Variants in C1orf21 observed in about 807,000 individuals in gnomAD.
C1orf21 encodes the protein uncharacterized protein C1orf21.
In C1orf21, 3 loss-of-function variants were observed where a neutral mutation model predicts 18.7. The ratio of observed to expected loss-of-function variants is 0.16; its 90% CI spans 0.07 to 0.42. The LOEUF (loss-of-function observed/expected upper bound fraction) is 0.42. C1orf21 is among the 10% of genes least tolerant of loss of function. C1orf21 has a pLI of 0.99. For missense variants in C1orf21, 104 were observed against 143.6 expected (o/e 0.72, Z 1.41); for synonymous variants, 41 against 46.4 (o/e 0.88, Z 0.47).
intron 3 of C1orf21, among the ~76,000 whole-genome samples, chr1:184,569,013 T>A (rs767559759): frequency 2.6e-5 from 4 of 152,214 alleles, no homozygotes; most frequent in African/African-American, 9.6e-5. Context: ...TTTTATTAAG[T>A]TGAAGCATTT....
intron 1 of C1orf21, among the ~76,000 whole-genome samples, chr1:184,447,076 C>T (rs1172623651): frequency 2.0e-5 from 3 of 152,126 alleles, no homozygotes. Flanking sequence ...ACTTCACAAA[C>T]ATTTCTAGAT....
rs148616078 is a variant in C1orf21 at position 184,565,667 on chromosome 1, C to T, written c.190-25072C>T. Among the ~76,000 whole-genome samples the T allele has an allele frequency of 4.6e-5, 7 of 152,374 alleles. No homozygotes were observed. In the East Asian group the frequency reaches 1.2e-3, roughly 25 times the overall value. The stretch of plus-strand genomic sequence containing the variant: ...TATAAACAAGCCAAGTACCATATTT[C>T]TCTCACGAAGTCAGTTTCCTCTGAA... On this transcript the variant is annotated intron_variant, in intron 3 of 5. Transcript: ENST00000235307.
intron 1 of C1orf21, among the ~76,000 whole-genome samples, chr1:184,444,671 C>T (rs1489119606): frequency 6.6e-6 from 1 of 152,038 alleles, no homozygotes; most frequent in Non-Finnish European, 1.5e-5. Flanking sequence ...GGACCTACTT[C>T]CTTTATATAA....
At position 184,504,336 on chromosome 1, in the gene C1orf21, C is replaced by T. The variant is rs554995452; in HGVS notation, c.95-3252C>T. Reference sequence around the variant, plus strand: ...CTCCCTTCTCTTCCTCGAGTTGGCACGTTTTTCTGCGCCAGGACCCTCTGG... The same window carrying T: ...CTCCCTTCTCTTCCTCGAGTTGGCATGTTTTTCTGCGCCAGGACCCTCTGG... On this transcript the variant is annotated intron_variant, in intron 2 of 5. Coordinates refer to ENST00000235307, the MANE Select transcript of C1orf21 (RefSeq NM_030806.4). Among the ~76,000 whole-genome samples, 11 of 109,540 alleles carry T rather than the reference C, an allele frequency of 1.0e-4. No individual in the cohort carries two copies. The East Asian group carries it at 2.4e-3, about 24-fold the overall frequency. The allele number at this position is 109,540 out of a possible 152,430, so 71.9% of individuals were successfully genotyped here. A position where few individuals can be genotyped will look rare whatever the true frequency, so the allele number is the denominator to read the frequency against.
chr1:184,541,784 G>A (rs1164965848), intron 3 of C1orf21, among the ~76,000 whole-genome samples: 2 of 152,144 alleles, frequency 1.3e-5, no homozygotes, highest in Non-Finnish European at 2.9e-5. Flanking sequence ...GTGTGCCAAC[G>A]AATGTGTTTT....
At chr1:184,529,099 C>T (rs1052489648) in intron 3 of C1orf21, among the ~76,000 whole-genome samples, 2 of 151,874 alleles carry the variant, frequency 1.3e-5, no homozygotes, top group African/African-American at 4.8e-5. Flanking sequence ...TAATTCTTGC[C>T]GATTTACTTA....
chr1:184,476,384 A>T (rs1422542888), intron 1 of C1orf21, among the ~76,000 whole-genome samples: 2 of 152,120 alleles, frequency 1.3e-5, no homozygotes, highest in Non-Finnish European at 2.9e-5. Context: ...AGTGGGAGGG[A>T]TGGAAACAAA....
chr1:184,395,103 A>G (rs998160290), intron 1 of C1orf21, among the ~76,000 whole-genome samples: 5 of 152,174 alleles, frequency 3.3e-5, no homozygotes, highest in African/African-American at 1.2e-4. Context: ...TTCTGCTATA[A>G]GAGTGGTTTC....
At position 184,471,887 on chromosome 1, in the gene C1orf21, GT is replaced by G. The variant is rs1484264085; in HGVS notation, c.-124-5497del. 4.6e-5 allele frequency among the ~76,000 whole-genome samples: 7 copies of G among 152,128 alleles called. No homozygotes were observed. The East Asian group carries it at 1.3e-3, about 29-fold the overall frequency. ...AATGTGTTCTGTGATGCCAGCGATT[GT>G]TGGGTAATGAAAGGCTTGACTTTTC... On this transcript the variant is annotated intron_variant, in intron 1 of 5. Transcript: ENST00000235307.
intron 1 of C1orf21, among the ~76,000 whole-genome samples, chr1:184,398,384 C>T (rs563498624): frequency 3.0e-4 from 45 of 152,204 alleles, no homozygotes; most frequent in Admixed American, 9.8e-4. Flanking sequence ...GACTGGAATC[C>T]GAGCGCTCCT....
chr1:184,437,992 A>G (rs1656885037), intron 1 of C1orf21, among the ~76,000 whole-genome samples: 1 of 152,126 alleles, frequency 6.6e-6, no homozygotes, highest in South Asian at 2.1e-4. Flanking sequence ...AGGAGGCAGA[A>G]CTCAGGCAGG....
At chr1:184,524,566 C>T (rs1337542811) in intron 3 of C1orf21, among the ~76,000 whole-genome samples, 1 of 152,018 alleles carries the variant, frequency 6.6e-6, no homozygotes, top group African/African-American at 2.4e-5. Flanking sequence ...CTCATCTACT[C>T]ATCTATCTGT....
At chr1:184,566,767 G>A (rs1361687879) in intron 3 of C1orf21, 3 of 408,960 alleles carry the variant, frequency 7.3e-6, no homozygotes, top group African/African-American at 4.2e-5. Flanking sequence ...AGGCTGGCTG[G>A]TGTTGTGATG....
intron 1 of C1orf21, among the ~76,000 whole-genome samples, chr1:184,474,118 A>G (rs1245440513): frequency 2.0e-5 from 3 of 152,218 alleles, no homozygotes; most frequent in Non-Finnish European, 4.4e-5. Context: ...TCACCTTCAA[A>G]TGAGTAAATT....
At chr1:184,583,190 A>G (rs79088870) in intron 3 of C1orf21, among the ~76,000 whole-genome samples, 11,246 of 152,180 alleles carry the variant, frequency 0.074, 657 homozygotes, top group African/African-American at 0.16. Flanking sequence ...CCTTTGGGAG[A>G]TATCAAAGGG....
At position 184,567,513 on chromosome 1, in the gene C1orf21, C is replaced by CT. The variant is rs546762154; in HGVS notation, c.190-23225dup. 1.9e-4 allele frequency: 103 copies of CT among 532,494 alleles called. 1 individual carries two copies. The highest frequency in any genetic ancestry group is 1.8e-3 in the African/African-American group (96 of 52,120). The allele number at this position is 532,494 out of a possible 1,614,324, so 33.0% of individuals were successfully genotyped here. ...GTAGGGAAGCTGAGTGCAGTGAACTCTAACACCATCCTCCTTGACATCTGC... is the reference window on the plus strand; with the variant it reads ...GTAGGGAAGCTGAGTGCAGTGAACTCTTAACACCATCCTCCTTGACATCTGC... On this transcript the variant is annotated intron_variant, in intron 3 of 5. Transcript: ENST00000235307.
rs1454843979 is a variant in C1orf21, at chr1:184,397,518, A to G, written c.-125+10150A>G. Among the ~76,000 whole-genome samples the G allele has an allele frequency of 5.9e-5, 9 of 151,588 alleles. No homozygotes were observed. In the South Asian group the frequency reaches 6.4e-4, roughly 11 times the overall value. Reference sequence around the variant, plus strand: ...GGAGAATGTCGTGAACCCAGGAGGCAGAGCTTGCAGTGAGCCAAGATCGCG... The same window carrying G: ...GGAGAATGTCGTGAACCCAGGAGGCGGAGCTTGCAGTGAGCCAAGATCGCG... On this transcript the variant is annotated intron_variant, in intron 1 of 5. Transcript: ENST00000235307.
intron 2 of C1orf21, among the ~76,000 whole-genome samples, chr1:184,490,860 CTAGT>C (rs1657806553): frequency 6.6e-6 from 1 of 151,602 alleles, no homozygotes; most frequent in Admixed American, 6.6e-5. Flanking sequence ...GTGCTGATTA[CTAGT>C]TAGTTTTTGT....
intron 3 of C1orf21, among the ~76,000 whole-genome samples, chr1:184,589,071 T>C (rs185340847): frequency 6.6e-6 from 1 of 152,332 alleles, no homozygotes; most frequent in African/African-American, 2.4e-5. Context: ...ATAAACAACA[T>C]ACCACTGTAT....
Sources: gnomAD v4.1 joint callset for allele counts (sites outside exome capture counted in the v4.1 genomes callset) on GRCh38, gnomAD v4.1.1 for gene constraint, MANE v1.5 for transcripts, NCBI Gene and HGNC (gene_info 2026-07-23, HGNC 2026-07-21) for gene names.